The following SCAND3 variants were observed in gnomAD, a reference collection of about 807,000 sequenced individuals.
SCAND3 encodes SCAN domain containing 3.
the SCAND3 span, among the ~76,000 whole-genome samples, chr6:28,580,900 A>AGGAACTCCACTTCT: frequency 6.6e-6 from 1 of 150,628 alleles, no homozygotes; most frequent in Non-Finnish European, 1.5e-5. Context: ...TAGAACCGGG[A>AGGAACTCCACTTCT]GGAACTCCAC....
chr6:28,579,799 C>T, the SCAND3 span, among the ~76,000 whole-genome samples: 1 of 152,152 alleles, frequency 6.6e-6, no homozygotes, highest in Admixed American at 6.5e-5. This position sits in a 1 kb window ranked among gnomAD's most constrained non-coding sequence, Gnocchi z 4.5. Flanking sequence ...GTAATCCCAG[C>T]ACTTTGGGAG....
chr6:28,600,766 A>G, the SCAND3 span, among the ~76,000 whole-genome samples: 1 of 152,204 alleles, frequency 6.6e-6, no homozygotes, highest in Non-Finnish European at 1.5e-5. Context: ...TTGAACACGG[A>G]CTAGGTATTA....
chr6:28,585,995 A>AT, the SCAND3 span, among the ~76,000 whole-genome samples: 2 of 152,216 alleles, frequency 1.3e-5, no homozygotes, highest in African/African-American at 2.4e-5. Context: ...AAAGACAGTA[A>AT]TTTTTTAAAA....
At chr6:28,600,067 G>A in the SCAND3 span, among the ~76,000 whole-genome samples, 3 of 151,928 alleles carry the variant, frequency 2.0e-5, no homozygotes, top group East Asian at 3.9e-4. Flanking sequence ...TCTAGGTAGC[G>A]TTGGCTTTGG....
chr6:28,576,415 A>G, the SCAND3 span, among the ~76,000 whole-genome samples: 1 of 152,018 alleles, frequency 6.6e-6, no homozygotes, highest in Non-Finnish European at 1.5e-5. Context: ...GCGCACCATG[A>G]CACTTGACTA....
At chr6:28,611,813 G>A in the SCAND3 span, among the ~76,000 whole-genome samples, 1 of 152,174 alleles carries the variant, frequency 6.6e-6, no homozygotes, top group African/African-American at 2.4e-5. Flanking sequence ...TTTCAAATAG[G>A]AGTTGTTTTC....
the SCAND3 span, among the ~76,000 whole-genome samples, chr6:28,615,180 C>A: frequency 6.6e-6 from 1 of 152,234 alleles, no homozygotes; most frequent in East Asian, 1.9e-4. Flanking sequence ...TGCATAAACA[C>A]AATGTTTGTT....
the SCAND3 span, among the ~76,000 whole-genome samples, chr6:28,595,332 A>AAAAAC: frequency 7.3e-6 from 1 of 136,862 alleles, no homozygotes; most frequent in African/African-American, 2.6e-5. Flanking sequence ...CCCAGTCTCA[A>AAAAAC]AAAAAAAAAA....
chr6:28,586,445 G>T, the SCAND3 span: 1 of 1,614,192 alleles, frequency 6.2e-7, no homozygotes, highest in African/African-American at 1.3e-5. This position sits in a 1 kb window ranked among gnomAD's most constrained non-coding sequence, Gnocchi z 4.4. Flanking sequence ...ACAATTCCAG[G>T]ATCTGCTCCT....
At chr6:28,607,159 G>A in the SCAND3 span, among the ~76,000 whole-genome samples, 9 of 152,174 alleles carry the variant, frequency 5.9e-5, no homozygotes, top group East Asian at 1.9e-4. Context: ...TGTGGTTGGG[G>A]GTGTAGCTCA....
At chr6:28,611,862 A>G in the SCAND3 span, among the ~76,000 whole-genome samples, 3 of 152,262 alleles carry the variant, frequency 2.0e-5, no homozygotes, top group Non-Finnish European at 4.4e-5. Context: ...TGGTGCATAT[A>G]CATAACACAG....
chr6:28,587,961 G>C, the SCAND3 span: 2 of 152,160 alleles, frequency 1.3e-5, no homozygotes, highest in Non-Finnish European at 2.9e-5. Flanking sequence ...CATACCTCTG[G>C]TAGCGCAGAG....
chr6:28,597,382 G>A, the SCAND3 span, among the ~76,000 whole-genome samples: 1 of 152,200 alleles, frequency 6.6e-6, no homozygotes, highest in African/African-American at 2.4e-5. Flanking sequence ...GAGCACAATG[G>A]ATTAGCAGTC....
the SCAND3 span, among the ~76,000 whole-genome samples, chr6:28,611,293 G>C: frequency 6.6e-6 from 1 of 152,102 alleles, no homozygotes; most frequent in Non-Finnish European, 1.5e-5. Flanking sequence ...ATAGACCTAT[G>C]GTTATCATCT....
chr6:28,613,258 C>T, the SCAND3 span, among the ~76,000 whole-genome samples: 6 of 152,150 alleles, frequency 3.9e-5, no homozygotes, highest in Non-Finnish European at 5.9e-5. Flanking sequence ...CTCAACTCAA[C>T]GAACAAGTAG....
At chr6:28,590,812 T>A in the SCAND3 span, 1 of 152,230 alleles carries the variant, frequency 6.6e-6, no homozygotes, top group Non-Finnish European at 1.5e-5. Context: ...ACAAAATTCA[T>A]GAAAGCATTA....
At chr6:28,610,123 C>G in the SCAND3 span, among the ~76,000 whole-genome samples, 1 of 152,146 alleles carries the variant, frequency 6.6e-6, no homozygotes, top group Non-Finnish European at 1.5e-5. Context: ...ACTCAGGAGG[C>G]TGAGGTACAA....
chr6:28,607,923 T>G, the SCAND3 span, among the ~76,000 whole-genome samples: 3 of 152,184 alleles, frequency 2.0e-5, no homozygotes, highest in Non-Finnish European at 4.4e-5. Context: ...GAAAAGGGCT[T>G]GTGGGGTGCC....
chr6:28,593,657 A>G, the SCAND3 span: 1 of 152,260 alleles, frequency 6.6e-6, no homozygotes, highest in Non-Finnish European at 1.5e-5. Context: ...CCTAGGGGAC[A>G]AGAACGAGAC....
Sources: gnomAD v4.1 joint callset for allele counts (sites outside exome capture counted in the v4.1 genomes callset) on GRCh38, gnomAD v4.1.1 for gene constraint, Gnocchi (gnomAD v3.1) non-coding constraint, MANE v1.5 for transcripts, NCBI Gene and HGNC (gene_info 2026-07-23, HGNC 2026-07-21) for gene names.